UNKL: variants seen among roughly 807,000 people sequenced by gnomAD.
The protein encoded by UNKL is unk like zinc finger, also known as putative E3 ubiquitin-protein ligase UNKL.
UNKL carries 60 observed loss-of-function variants against 78.0 expected under a neutral mutation model. That is an observed-to-expected ratio of 0.77 (90% confidence interval 0.63 to 0.95). UNKL has a LOEUF of 0.95. Ranked by LOEUF, UNKL falls within the 40% of genes least tolerant of loss-of-function variation. The pLI is 0.00. For missense variants in UNKL, 1,159 were observed against 1,045.7 expected, an observed-to-expected ratio of 1.11 and a Z score of -1.49; for synonymous variants, 608 against 474.8, an observed-to-expected ratio of 1.28 and a Z score of -3.65.
chr16:1,397,405 A>G lies in UNKL; in HGVS notation c.735-110T>C, dbSNP rs34970247. The G allele has an allele frequency of 6.6e-3, 4,894 of 737,422 alleles. 411 individuals are homozygous for G. In the East Asian group the frequency reaches 0.12, roughly 19 times the overall value. The allele number at this position is 737,422 out of a possible 1,614,324, so 45.7% of individuals were successfully genotyped here. ...GACCTGGGGATGAGGAGGTGTCAGG[A>G]GGACACAGAGGACTTGGCTCCCTGC... On this transcript the variant is annotated intron_variant, in intron 5 of 14. Coordinates refer to ENST00000389221, the MANE Select transcript of UNKL (RefSeq NM_001372107.1).
Position 1,414,652 on chromosome 16 carries a change from C to A in UNKL, c.40G>T (p.Gly14Trp), listed in dbSNP as rs769005974. Residue 14 changes from glycine (G) to tryptophan (W), a missense_variant, in exon 1 of 15, where the codon GGG becomes TGG. Gly to Trp is a radical substitution (Grantham distance 184, BLOSUM62 -2). Transcript: ENST00000389221. Reference sequence around the variant, plus strand: ...GGCTTCTCAGTCTGCGGGGGGGACCCGCTCAGCGCCGCTGCCGCCGCTTTC... The same window carrying A: ...GGCTTCTCAGTCTGCGGGGGGGACCAGCTCAGCGCCGCTGCCGCCGCTTTC... ...VSKAAAAALS[G>W]SPPQTEKPTH... The A allele has an allele frequency of 1.6e-5, 18 of 1,142,694 alleles. No homozygotes were observed. In the East Asian group the frequency reaches 4.0e-4, roughly 25 times the overall value. 70.8% of individuals were successfully genotyped at this position (1,142,694 alleles called of 1,614,324 possible).
At position 1,399,707 on chromosome 16, in the gene UNKL, C is replaced by T. The variant is rs1368413003; in HGVS notation, c.599-198G>A. 4 of 784,196 alleles carry T rather than the reference C, an allele frequency of 5.1e-6. No individual in the cohort carries two copies. In the East Asian group the frequency reaches 8.7e-5, roughly 17 times the overall value. The allele number at this position is 784,196 out of a possible 1,614,324, so 48.6% of individuals were successfully genotyped here. On this transcript the variant is annotated intron_variant, in intron 4 of 14. Transcript: ENST00000389221. This position sits in a 1 kb window ranked among gnomAD's most constrained non-coding sequence, Gnocchi z 5.8. ...TGAGGGAAGCCGGGCCAGAAGGCCA[C>T]GTGGTGTGATTCTGTTTATGTGAAA... is the stretch of plus-strand genomic sequence containing the variant.
chr16:1,398,536 G>A (rs747842016), intron 5 of UNKL: 29 of 1,331,148 alleles, frequency 2.2e-5, no homozygotes, highest in Non-Finnish European at 2.8e-5. Context: ...GGAAGCACAG[G>A]TGCTCTCCGG....
At position 1,414,667 on chromosome 16, in the gene UNKL, C is replaced by T. The variant is rs1303582125; in HGVS notation, c.25G>A (p.Ala9Thr). The T allele has an allele frequency of 3.5e-6, 4 of 1,152,390 alleles. No individual in the cohort carries two copies. The highest frequency in any genetic ancestry group is 1.3e-4 in the East Asian group (2 of 15,662). 71.4% of individuals were successfully genotyped at this position (1,152,390 alleles called of 1,614,324 possible). A position where few individuals can be genotyped will look rare whatever the true frequency, so the allele number is the denominator to read the frequency against. MPSVSKAA[A>T]AALSGSPPQT... ...GGGGGGGACCCGCTCAGCGCCGCTGCCGCCGCTTTCGAAACCGACGGCATT... is the reference window on the plus strand; with the variant it reads ...GGGGGGGACCCGCTCAGCGCCGCTGTCGCCGCTTTCGAAACCGACGGCATT... The change falls in exon 1 of 15, where the codon GCA becomes ACA. Residue 9 changes from alanine (A) to threonine (T), a missense_variant. Physicochemically the swap from Ala to Thr is moderately conservative, Grantham distance 58. Coordinates refer to ENST00000389221, the MANE Select transcript of UNKL (RefSeq NM_001372107.1).
chr16:1,398,689 A>ACCCCCCCCT, intron 5 of UNKL: 1 of 405,308 alleles, frequency 2.5e-6, no homozygotes, highest in African/African-American at 3.2e-5. Flanking sequence ...GCACCCCCCC[A>ACCCCCCCCT]CCCCCCTCTC....
intron 9 of UNKL, 82 bp from the exon 10 acceptor site, chr16:1,385,467 C>T (rs762170284): frequency 2.1e-5 from 26 of 1,249,814 alleles, no homozygotes; most frequent in Admixed American, 4.2e-5. Context: ...CAGAAAGCAC[C>T]GCGGGACGGC....
intron 12 of UNKL, among the ~76,000 whole-genome samples, chr16:1,368,877 T>C (rs980207840): frequency 1.3e-5 from 2 of 151,860 alleles, no homozygotes; most frequent in African/African-American, 4.8e-5. Context: ...GACGACAGAG[T>C]GAAACTTTGT....
Position 1,414,687 on chromosome 16 carries a change from G to C in UNKL, c.5C>G (p.Pro2Arg), listed in dbSNP as rs752597860. 1.8e-5 allele frequency: 20 copies of C among 1,141,846 alleles called. No individual in the cohort carries two copies. Among genetic ancestry groups the C allele is most frequent in the East Asian group, 7.0e-5 (1 of 14,368 alleles). The allele number at this position is 1,141,846 out of a possible 1,614,324, so 70.7% of individuals were successfully genotyped here. Residue 2 changes from proline (P) to arginine (R), a missense_variant, in exon 1 of 15, where the codon CCG becomes CGG. Coordinates refer to ENST00000389221, the MANE Select transcript of UNKL (RefSeq NM_001372107.1). ...CGCTGCCGCCGCTTTCGAAACCGAC[G>C]GCATTTTCAGTCAAAACAATGCAGC... is the stretch of plus-strand genomic sequence containing the variant. M[P>R]SVSKAAAAAL...
At chr16:1,398,806 CAA>C in intron 5 of UNKL, 1 of 1,548,134 alleles carries the variant, frequency 6.5e-7, no homozygotes, top group Non-Finnish European at 8.7e-7. Flanking sequence ...TGCGAGGTGC[CAA>C]ACCCACAAGC....
intron 9 of UNKL, among the ~76,000 whole-genome samples, chr16:1,386,361 T>A (rs2036812565): frequency 1.3e-5 from 2 of 152,188 alleles, no homozygotes; most frequent in African/African-American, 4.8e-5. Flanking sequence ...GAGACCAGGC[T>A]GCCCAACATG....
Position 1,371,619 on chromosome 16 carries a change from C to A in UNKL, c.1265-8G>T. On this transcript the variant is annotated splice_region_variant and splice_polypyrimidine_tract_variant and intron_variant, in intron 10 of 14. Coordinates refer to ENST00000389221, the MANE Select transcript of UNKL (RefSeq NM_001372107.1). ...GCAGGTCTAACGCAGAACCTGTCAA[C>A]AGAGCCCCCCATCATCCACAGCCCA... is the stretch of plus-strand genomic sequence containing the variant. 6.5e-7 allele frequency: 1 copy of A among 1,535,914 alleles called. No individual in the cohort carries two copies. Among genetic ancestry groups the A allele is most frequent in the Middle Eastern group, 1.7e-4 (1 of 5,990 alleles).
In UNKL at chr16:1,363,974, G is replaced by A. The variant is rs758534643; in HGVS notation, c.*2266C>T. 7.2e-5 allele frequency: 11 copies of A among 152,178 alleles called. No homozygotes were observed. The highest frequency in any genetic ancestry group is 1.9e-4 in the East Asian group (1 of 5,194). 9.4% of individuals were successfully genotyped at this position (152,178 alleles called of 1,614,324 possible). The stretch of plus-strand genomic sequence containing the variant: ...CCTTCCCAGAAAGAGCAGAGCAGCT[G>A]GCAGACTAGAGCTCAGCTGCTCCTG... On this transcript the variant is annotated 3_prime_UTR_variant, in exon 15 of 15. Coordinates refer to ENST00000389221, the MANE Select transcript of UNKL (RefSeq NM_001372107.1).
chr16:1,367,817 C>T lies in UNKL; in HGVS notation c.1627G>A (p.Gly543Ser), dbSNP rs370955849. Residue 543 changes from glycine to serine, a missense_variant, in exon 13 of 15, where the codon GGC becomes AGC. By Grantham distance (56) the Gly-to-Ser change is moderately conservative. Transcript: ENST00000389221. ...GGGGAGGGGCTGGGGGAGAAGCTGC[C>T]GGAAACAAAGTCCCAGATGCTCCCG... ...VPGSIWDFVS[G>S]SFSPSPSPIL... The T allele has an allele frequency of 6.7e-4, 1,059 of 1,575,492 alleles. No individual in the cohort carries two copies. Among genetic ancestry groups the T allele is most frequent in the Non-Finnish European group, 8.2e-4 (953 of 1,161,572 alleles).
At chr16:1,402,120 A>G (rs2037552072) in intron 3 of UNKL, among the ~76,000 whole-genome samples, 1 of 152,190 alleles carries the variant, frequency 6.6e-6, no homozygotes, top group African/African-American at 2.4e-5. Context: ...GCAGCCCCAG[A>G]CCATGTGCTG....
rs961127702 is a variant in UNKL at position 1,399,806 on chromosome 16, G to A, written c.599-297C>T. Among the ~76,000 whole-genome samples the A allele has an allele frequency of 2.0e-5, 3 of 152,162 alleles. No individual in the cohort carries two copies. The highest frequency in any genetic ancestry group is 7.2e-5 in the African/African-American group (3 of 41,440). ...CAGGGCTGGGAGGGAGTCCTGCTGT[G>A]GGTGTGCGGCTTCCTTGCTGGGGGA... On this transcript the variant is annotated intron_variant, in intron 4 of 14. Coordinates refer to ENST00000389221, the MANE Select transcript of UNKL (RefSeq NM_001372107.1). This position sits in a 1 kb window ranked among gnomAD's most constrained non-coding sequence, Gnocchi z 5.8.
chr16:1,395,543 G>A (rs769114929), intron 6 of UNKL: 9 of 387,792 alleles, frequency 2.3e-5, no homozygotes, highest in South Asian at 9.1e-5. Flanking sequence ...TCCCTGTACC[G>A]TCCATACCCT....
chr16:1,381,273 G>C (rs549072479), intron 10 of UNKL, among the ~76,000 whole-genome samples: 1 of 152,150 alleles, frequency 6.6e-6, no homozygotes, highest in East Asian at 1.9e-4. Flanking sequence ...CTACTTTTAG[G>C]TTGGGGAAGA....
chr16:1,398,263 T>A (rs1470297363), intron 5 of UNKL: 3 of 991,422 alleles, frequency 3.0e-6, no homozygotes, highest in Admixed American at 1.1e-4. Flanking sequence ...GGCCACAGAG[T>A]GAGACTCTGT....
chr16:1,394,845 C>T (rs1348579756), intron 6 of UNKL, among the ~76,000 whole-genome samples: 2 of 152,336 alleles, frequency 1.3e-5, no homozygotes, highest in African/African-American at 4.8e-5. Context: ...CCTTCCACCA[C>T]GTCGGGCACC....
Sources: gnomAD v4.1 joint callset for allele counts (sites outside exome capture counted in the v4.1 genomes callset) on GRCh38, gnomAD v4.1.1 for gene constraint, Gnocchi (gnomAD v3.1) non-coding constraint, MANE v1.5 for transcripts, NCBI Gene and HGNC (gene_info 2026-07-23, HGNC 2026-07-21) for gene names.